Variants in FAM222A observed in about 807,000 individuals in gnomAD.
FAM222A encodes family with sequence similarity 222 member A, also known as protein FAM222A.
FAM222A carries 7 observed loss-of-function variants against 25.8 expected under a neutral mutation model. That is an observed-to-expected ratio of 0.27 (90% confidence interval 0.15 to 0.51). The LOEUF (loss-of-function observed/expected upper bound fraction) is 0.51, where lower values mean the gene tolerates loss of function less well. Ranked by LOEUF, FAM222A falls within the 20% of genes least tolerant of loss-of-function variation. FAM222A has a pLI of 0.97. For synonymous variants in FAM222A, 294 were observed against 298.8 expected, an observed-to-expected ratio of 0.98 and a Z score of 0.17; for missense variants, 573 against 640.5, an observed-to-expected ratio of 0.89 and a Z score of 1.14.
At chr12:109,748,035 G>T (rs972320891) in intron 2 of FAM222A, among the ~76,000 whole-genome samples, 1 of 152,168 alleles carries the variant, frequency 6.6e-6, no homozygotes, top group Admixed American at 6.5e-5. Context: ...AGTTTATCAG[G>T]TTAAGTAAGT....
intron 2 of FAM222A, among the ~76,000 whole-genome samples, chr12:109,750,670 A>G (rs1303023814): frequency 6.6e-6 from 1 of 151,954 alleles, no homozygotes; most frequent in Non-Finnish European, 1.5e-5. Context: ...CATTGTCTGA[A>G]GTTGGTCCTC....
chr12:109,738,288 C>T (rs992317118), intron 1 of FAM222A, among the ~76,000 whole-genome samples: 44 of 152,188 alleles, frequency 2.9e-4, no homozygotes, highest in African/African-American at 1.0e-3. Context: ...TTGCTCAGCT[C>T]GTGGTGCTGG....
At chr12:109,744,691 A>AGG in intron 2 of FAM222A, 1 of 985,396 alleles carries the variant, frequency 1.0e-6, no homozygotes, top group Non-Finnish European at 1.2e-6. Context: ...CCTGGTGACC[A>AGG]GGGGTCTGTT....
At chr12:109,730,409 G>T (rs1023439958) in intron 1 of FAM222A, among the ~76,000 whole-genome samples, 11 of 147,380 alleles carry the variant, frequency 7.5e-5, no homozygotes, top group Non-Finnish European at 9.0e-5. Context: ...TGGGGGGCGG[G>T]GGGGGGGGTT....
In FAM222A at chr12:109,768,292, C is replaced by T. The variant is rs200236100; in HGVS notation, c.363C>T (p.Pro121=). 46 of 1,607,332 alleles carry T rather than the reference C, an allele frequency of 2.9e-5. No homozygotes were observed. The highest frequency in any genetic ancestry group is 3.8e-5 in the Non-Finnish European group (45 of 1,177,688). ...SSSSTAAPAG[P]AKSVLKSAEG... ...CCAGCACGGCCGCACCAGCTGGGCC[C>T]GCCAAAAGTGTGCTCAAGAGCGCCG... Residue 121 remains proline, a synonymous_variant, in exon 3 of 3, where the codon CCC becomes CCT. Coordinates refer to ENST00000538780, the MANE Select transcript of FAM222A (RefSeq NM_032829.3).
In FAM222A at chr12:109,718,186, C is replaced by T. The variant is rs371357753; in HGVS notation, c.-47+3289C>T. Among the ~76,000 whole-genome samples, 6 of 152,320 alleles carry T rather than the reference C, an allele frequency of 3.9e-5. No homozygotes were observed. In the East Asian group the frequency reaches 9.7e-4, roughly 25 times the overall value. On this transcript the variant is annotated intron_variant, in intron 1 of 2. Transcript: ENST00000538780. ...GGCTACTGTTACCTCCTCCTCAGAA[C>T]GGAGCCTTGAATGACTCAGTCCCTT...
intron 2 of FAM222A, among the ~76,000 whole-genome samples, chr12:109,764,429 T>G (rs1471412856): frequency 6.6e-6 from 1 of 152,158 alleles, no homozygotes; most frequent in Non-Finnish European, 1.5e-5. Context: ...TTCTTCTTCT[T>G]AAGGTTTTAA....
At position 109,768,575 on chromosome 12, in the gene FAM222A, G is replaced by A. The variant is rs370934435; in HGVS notation, c.646G>A (p.Ala216Thr). The change falls in exon 3 of 3, where the codon GCA (alanine) becomes ACA (threonine). Residue 216 changes from alanine to threonine, a missense_variant. By Grantham distance (58) the Ala-to-Thr change is moderately conservative. This residue lies in a region of FAM222A where 412 missense variants were observed against 407.0 expected (regional missense o/e 1.01). Transcript: ENST00000538780. ...LNQQCQAPGA[A>T]PPACQGMAIP... ...CCAGCAGTGCCAGGCCCCGGGCGCC[G>A]CACCCCCTGCCTGCCAGGGCATGGC... 192 of 1,600,844 alleles carry A rather than the reference G, an allele frequency of 1.2e-4. 2 individuals carry two copies. Among genetic ancestry groups the A allele is most frequent in the South Asian group, 6.3e-4 (57 of 90,606 alleles).
chr12:109,739,124 G>A (rs919989910), intron 1 of FAM222A, among the ~76,000 whole-genome samples: 1 of 152,240 alleles, frequency 6.6e-6, no homozygotes, highest in Non-Finnish European at 1.5e-5. Flanking sequence ...GAGGAGATGG[G>A]GGCTCAGAGG....
chr12:109,727,683 C>T (rs938860213), intron 1 of FAM222A, among the ~76,000 whole-genome samples: 17 of 152,182 alleles, frequency 1.1e-4, no homozygotes, highest in African/African-American at 4.1e-4. Context: ...ATGTGGCCGA[C>T]TCTAAAGCTT....
chr12:109,751,931 T>TA (rs575094509), intron 2 of FAM222A, among the ~76,000 whole-genome samples: 52 of 152,092 alleles, frequency 3.4e-4, no homozygotes, highest in African/African-American at 8.4e-4. Flanking sequence ...ACTGCAGGAA[T>TA]AAAAAAAATG....
chr12:109,747,293 C>G (rs891015204), intron 2 of FAM222A, among the ~76,000 whole-genome samples: 1 of 152,168 alleles, frequency 6.6e-6, no homozygotes, highest in Non-Finnish European at 1.5e-5. Context: ...CGGGGTTTCA[C>G]CGTGTTGGCC....
At chr12:109,738,261 T>C (rs1454302957) in intron 1 of FAM222A, among the ~76,000 whole-genome samples, 1 of 152,208 alleles carries the variant, frequency 6.6e-6, no homozygotes, top group Non-Finnish European at 1.5e-5. Context: ...AGGTCTGGAC[T>C]TTCTGAGGCT....
chr12:109,733,472 C>T (rs1721792330), intron 1 of FAM222A, among the ~76,000 whole-genome samples: 1 of 151,532 alleles, frequency 6.6e-6, no homozygotes, highest in Admixed American at 6.6e-5. Context: ...CGTGTGATCT[C>T]AGCTCACTGT....
At chr12:109,720,821 C>CAATGGAGG (rs1887733786) in intron 1 of FAM222A, among the ~76,000 whole-genome samples, 3 of 152,186 alleles carry the variant, frequency 2.0e-5, no homozygotes, top group African/African-American at 7.2e-5. Context: ...TTAATTGCCA[C>CAATGGAGG]AATGGAGGAA....
chr12:109,726,589 A>G (rs1044902807), intron 1 of FAM222A, among the ~76,000 whole-genome samples: 1 of 152,200 alleles, frequency 6.6e-6, no homozygotes, highest in Non-Finnish European at 1.5e-5. Flanking sequence ...GTGTTTGGTA[A>G]ACAGTGGCTG....
Position 109,768,295 on chromosome 12 carries a change from C to T in FAM222A, c.366C>T (p.Ala122=), listed in dbSNP as rs1273732980. The T allele has an allele frequency of 1.9e-6, 3 of 1,607,420 alleles. No homozygotes were observed. The highest frequency in any genetic ancestry group is 1.7e-6 in the Non-Finnish European group (2 of 1,177,768). Residue 122 remains alanine, a synonymous_variant, in exon 3 of 3, where the codon GCC becomes GCT. Coordinates refer to ENST00000538780, the MANE Select transcript of FAM222A (RefSeq NM_032829.3). ...GCACGGCCGCACCAGCTGGGCCCGC[C>T]AAAAGTGTGCTCAAGAGCGCCGAGG... ...SSSTAAPAGP[A]KSVLKSAEGK...
At chr12:109,740,503 G>A (rs541140644) in intron 1 of FAM222A, among the ~76,000 whole-genome samples, 25 of 152,300 alleles carry the variant, frequency 1.6e-4, no homozygotes, top group African/African-American at 5.8e-4. Flanking sequence ...GTCCAGGCGG[G>A]GACTCTGAGA....
At chr12:109,763,306 T>C (rs1565847669) in intron 2 of FAM222A, among the ~76,000 whole-genome samples, 1 of 152,218 alleles carries the variant, frequency 6.6e-6, no homozygotes, top group Non-Finnish European at 1.5e-5. Context: ...GGGAACTGCA[T>C]GAGTCACCTA....
Sources: gnomAD v4.1 joint callset for allele counts (sites outside exome capture counted in the v4.1 genomes callset) on GRCh38, gnomAD v4.1.1 for gene constraint, gnomAD v4.1.1 regional missense constraint, MANE v1.5 for transcripts, NCBI Gene and HGNC (gene_info 2026-07-23, HGNC 2026-07-21) for gene names.